The following COL15A1 variants were observed in gnomAD, a reference collection of about 807,000 sequenced individuals.
COL15A1 encodes the protein collagen type XV alpha 1 chain.
Under a neutral mutation model 165.9 loss-of-function variants are expected in COL15A1, and 111 were observed. The observed-to-expected ratio is 0.67, with a 90% CI of 0.57 to 0.78. The LOEUF is 0.78. Ranked by LOEUF, COL15A1 falls within the 30% of genes least tolerant of loss-of-function variation. The pLI, the probability that COL15A1 is intolerant of heterozygous loss-of-function variation, is 0.00. For missense variants in COL15A1, 1,745 were observed against 1,789.7 expected (o/e 0.98, Z 0.45); for synonymous variants, 659 against 674.8 (o/e 0.98, Z 0.36).
At chr9:98,944,443 C>T (rs1837542677) in intron 2 of COL15A1, among the ~76,000 whole-genome samples, 193 bp downstream of exon 2, 3 of 152,186 alleles carry the variant, frequency 2.0e-5, no homozygotes, top group Admixed American at 2.0e-4. Context: ...TGAATGGGAT[C>T]CCTGGGCAGC....
chr9:98,964,190 G>A (rs941331784), intron 2 of COL15A1, among the ~76,000 whole-genome samples: 12 of 152,232 alleles, frequency 7.9e-5, no homozygotes, highest in African/African-American at 1.7e-4. Flanking sequence ...GGGTTCCCCC[G>A]AGGTCACCTC....
chr9:99,029,583 A>G (rs759854546), intron 16 of COL15A1, among the ~76,000 whole-genome samples: 23 of 152,206 alleles, frequency 1.5e-4, no homozygotes, highest in South Asian at 2.1e-4. Flanking sequence ...ATCTTCTTTC[A>G]TTATCAGAAG....
intron 2 of COL15A1, among the ~76,000 whole-genome samples, chr9:98,968,545 T>C (rs554575453): frequency 2.6e-5 from 4 of 152,314 alleles, no homozygotes; most frequent in South Asian, 2.1e-4. Flanking sequence ...ACCCCCTCCA[T>C]GTGTCTTATA....
intron 22 of COL15A1, 65 bp from the exon 23 acceptor site, chr9:99,040,456 G>A: frequency 6.2e-7 from 1 of 1,613,488 alleles, no homozygotes; most frequent in Non-Finnish European, 8.5e-7. Context: ...TGGGAGGGAG[G>A]GGGTCCTGCT....
intron 2 of COL15A1, among the ~76,000 whole-genome samples, chr9:98,950,516 CCCTTCCCTTCCTT>C (rs1158398233): frequency 1.1e-4 from 13 of 113,944 alleles, no homozygotes; most frequent in Non-Finnish European, 2.3e-4. Context: ...TTCCTTCCTT[CCCTTCCCTTCCTT>C]CCTTCCCTTC....
In COL15A1 at chr9:99,057,545, T is replaced by G. The variant is rs1178201622; in HGVS notation, c.3337+1141T>G. 4.6e-5 allele frequency among the ~76,000 whole-genome samples: 7 copies of G among 152,284 alleles called. 1 individual carries two copies. The South Asian group carries it at 6.2e-4, about 14-fold the overall frequency. On this transcript the variant is annotated intron_variant, in intron 35 of 41. Coordinates refer to ENST00000375001, the MANE Select transcript of COL15A1 (RefSeq NM_001855.5). ...TAATCACTTTGCTATGGTATTTTAT[T>G]GAAACCTCACAACAACACTTTAAAA...
chr9:98,944,296 TG>T (rs949858460), intron 2 of COL15A1, 46 bp downstream of exon 2: 27 of 1,583,488 alleles, frequency 1.7e-5, no homozygotes, highest in East Asian at 2.3e-5. Context: ...TCCGCGCCCG[TG>T]GGGGAAGTCG....
chr9:98,949,802 C>T (rs541845794), intron 2 of COL15A1, among the ~76,000 whole-genome samples: 1 of 152,250 alleles, frequency 6.6e-6, no homozygotes, highest in South Asian at 2.1e-4. Context: ...TTTTCATCAC[C>T]CCAAAAGAAA....
intron 12 of COL15A1, 92 bp from the exon 13 acceptor site, chr9:99,021,999 T>A: frequency 6.5e-7 from 1 of 1,550,378 alleles, no homozygotes. Context: ...TGTGTGATCC[T>A]GATTTTAAAG....
At chr9:99,057,466 A>C (rs1469181851) in intron 35 of COL15A1, among the ~76,000 whole-genome samples, 2 of 152,222 alleles carry the variant, frequency 1.3e-5, no homozygotes, top group African/African-American at 4.8e-5. Flanking sequence ...AAAACTGGCA[A>C]AATTAAAGAA....
Position 98,944,088 on chromosome 9 carries a change from C to G in COL15A1, c.11+16C>G, listed in dbSNP as rs747112212. ...TGGCACCAAGGTAAGACCCGCTTCTCTGCTTCCTCGCGTCCCGGGCCCCTC... is the reference window on the plus strand; with the variant it reads ...TGGCACCAAGGTAAGACCCGCTTCTGTGCTTCCTCGCGTCCCGGGCCCCTC... On this transcript the variant is annotated intron_variant, in intron 1 of 41. Transcript: ENST00000375001. 1 of 1,614,164 alleles carries G rather than the reference C, an allele frequency of 6.2e-7. No homozygotes were observed. The highest frequency in any genetic ancestry group is 2.2e-5 in the East Asian group (1 of 44,876).
intron 5 of COL15A1, among the ~76,000 whole-genome samples, chr9:98,989,735 C>T (rs1225733643): frequency 6.6e-6 from 1 of 152,184 alleles, no homozygotes; most frequent in East Asian, 1.9e-4. Flanking sequence ...TTGCTCAGTG[C>T]TCCAGCTGTG....
intron 2 of COL15A1, among the ~76,000 whole-genome samples, chr9:98,947,064 G>C (rs1229781793): frequency 6.6e-6 from 1 of 152,158 alleles, no homozygotes; most frequent in East Asian, 1.9e-4. Flanking sequence ...TAAGGGAAAG[G>C]AAAGCATATG....
At chr9:99,004,161 T>C (rs920464938) in intron 8 of COL15A1, among the ~76,000 whole-genome samples, 26 of 150,750 alleles carry the variant, frequency 1.7e-4, no homozygotes, top group Non-Finnish European at 3.0e-5. Context: ...AAGTGGGGAG[T>C]CACTGAAGGG....
At chr9:99,048,044 G>A in intron 28 of COL15A1, 44 bp downstream of exon 28, 1 of 1,067,340 alleles carries the variant, frequency 9.4e-7, no homozygotes, top group Non-Finnish European at 1.4e-6. Flanking sequence ...TGTCCAGAGA[G>A]GGTGAGAGAG....
chr9:99,045,598 C>A (rs780210439), intron 26 of COL15A1, among the ~76,000 whole-genome samples: 42 of 152,274 alleles, frequency 2.8e-4, no homozygotes, highest in Middle Eastern at 6.8e-3. Context: ...TCACATAGGT[C>A]ATCTCATTTC....
chr9:99,044,820 T>C (rs759601999), intron 26 of COL15A1, 50 bp downstream of exon 26: 5 of 1,533,662 alleles, frequency 3.3e-6, no homozygotes, highest in Non-Finnish European at 4.5e-6. Context: ...TTGAAGCATT[T>C]TTCATACTTT....
chr9:99,035,328 C>G (rs1317905583), intron 18 of COL15A1, 22 bp from the exon 19 acceptor site: 1 of 1,614,044 alleles, frequency 6.2e-7, no homozygotes, highest in Non-Finnish European at 8.5e-7. Context: ...ATCTGAAATT[C>G]TCATTCTTGC....
intron 7 of COL15A1, 129 bp from the exon 8 acceptor site, chr9:99,003,324 A>C: frequency 1.5e-6 from 1 of 676,378 alleles, no homozygotes; most frequent in African/African-American, 1.8e-5. Context: ...ATAGATGTGA[A>C]AGTCCTTGAG....
Sources: gnomAD v4.1 joint callset for allele counts (sites outside exome capture counted in the v4.1 genomes callset) on GRCh38, gnomAD v4.1.1 for gene constraint, MANE v1.5 for transcripts, NCBI Gene and HGNC (gene_info 2026-07-23, HGNC 2026-07-21) for gene names.